POLR3C: variants seen among roughly 807,000 people sequenced by gnomAD.
The protein encoded by POLR3C is RNA polymerase III subunit C, also known as DNA-directed RNA polymerase III subunit RPC3.
Under a neutral mutation model 65.9 loss-of-function variants are expected in POLR3C, and 44 were observed. The ratio of observed to expected loss-of-function variants is 0.67; its 90% CI spans 0.52 to 0.86. The LOEUF is 0.86. Ranked by LOEUF, POLR3C falls within the 40% of genes least tolerant of loss-of-function variation. The probability of loss-of-function intolerance (pLI) is 0.00; values close to 1 mark genes in which losing one functional copy is unlikely to be tolerated. For synonymous variants in POLR3C, 263 were observed against 231.6 expected (o/e 1.14, Z -1.23); for missense variants, 576 against 653.2 (o/e 0.88, Z 1.29).
At chr1:145,836,623 A>AT (rs1651871867) in intron 8 of POLR3C, 49 bp downstream of exon 8, 1 of 1,191,722 alleles carries the variant, frequency 8.4e-7, no homozygotes, top group Non-Finnish European at 1.3e-6. Context: ...TGTACTGTTG[A>AT]TAATTTATTT....
At chr1:145,827,162 C>G (rs1022098736) in intron 4 of POLR3C, among the ~76,000 whole-genome samples, 157 bp downstream of exon 4, 1 of 152,118 alleles carries the variant, frequency 6.6e-6, no homozygotes, top group Non-Finnish European at 1.5e-5. Context: ...TGCCATGGGG[C>G]TTTAGTATAG....
intron 7 of POLR3C, among the ~76,000 whole-genome samples, chr1:145,835,768 T>G (rs982915799): frequency 3.5e-4 from 54 of 152,260 alleles, no homozygotes; most frequent in African/African-American, 1.1e-3. Context: ...GAGACAGGGT[T>G]TCACTGTGTT....
chr1:145,824,528 T>TA (rs2101625033), intron 1 of POLR3C, 159 bp downstream of exon 1: 1 of 1,290,038 alleles, frequency 7.8e-7, no homozygotes, highest in Non-Finnish European at 1.0e-6. Context: ...TCTCCAAAGA[T>TA]ATGTGGATGG....
intron 4 of POLR3C, among the ~76,000 whole-genome samples, chr1:145,828,213 A>G (rs985583519): frequency 2.0e-5 from 3 of 152,234 alleles, no homozygotes; most frequent in East Asian, 3.8e-4. Context: ...CTCAGAAGCT[A>G]ATCAGGATCA....
chr1:145,826,367 A>T, intron 2 of POLR3C, 87 bp from the exon 3 acceptor site: 1 of 1,123,380 alleles, frequency 8.9e-7, no homozygotes, highest in Non-Finnish European at 1.3e-6. Context: ...TCTGATGCTT[A>T]CTAAGCTGTT....
At chr1:145,836,701 C>T in intron 8 of POLR3C, 114 bp from the exon 9 acceptor site, 2 of 941,324 alleles carry the variant, frequency 2.1e-6, no homozygotes, top group Non-Finnish European at 3.5e-6. Flanking sequence ...GACAATTTCT[C>T]CACATCATTT....
rs1377603989 is a variant in POLR3C at position 145,843,918 on chromosome 1, C to T, written c.*1498C>T. ...ATACACAAATGGCCGACAGATACATCAAAAAATGTTCAACATCACTAATCA... is the reference window on the plus strand; with the variant it reads ...ATACACAAATGGCCGACAGATACATTAAAAAATGTTCAACATCACTAATCA... On this transcript the variant is annotated 3_prime_UTR_variant, in exon 15 of 15. Transcript: ENST00000334163. 2.6e-5 allele frequency among the ~76,000 whole-genome samples: 4 copies of T among 152,110 alleles called. No individual in the cohort carries two copies. Among genetic ancestry groups the T allele is most frequent in the African/African-American group, 9.7e-5 (4 of 41,420 alleles).
rs934583522 is a variant in POLR3C at position 145,843,936 on chromosome 1, A to G, written c.*1516A>G. Among the ~76,000 whole-genome samples, 1 of 152,254 alleles carries G rather than the reference A, an allele frequency of 6.6e-6. No individual in the cohort carries two copies. The highest frequency in any genetic ancestry group is 6.5e-5 in the Admixed American group (1 of 15,288). On this transcript the variant is annotated 3_prime_UTR_variant, in exon 15 of 15. Coordinates refer to ENST00000334163, the MANE Select transcript of POLR3C (RefSeq NM_006468.8). The stretch of plus-strand genomic sequence containing the variant: ...GATACATCAAAAAATGTTCAACATC[A>G]CTAATCAGAGAAATGGAAATCAAAA...
intron 11 of POLR3C, 26 bp downstream of exon 11, chr1:145,838,232 G>A (rs1652010443): frequency 1.2e-6 from 2 of 1,602,516 alleles, no homozygotes; most frequent in Non-Finnish European, 1.7e-6. Flanking sequence ...CGTAATAATT[G>A]CCAACCAGCA....
At chr1:145,837,845 A>G (rs1311842441) in intron 10 of POLR3C, among the ~76,000 whole-genome samples, 4 of 152,184 alleles carry the variant, frequency 2.6e-5, no homozygotes, top group African/African-American at 9.7e-5. Flanking sequence ...GTGGCACTCA[A>G]ATGAGTCAGC....
chr1:145,840,080 CTA>C (rs1553730054), intron 12 of POLR3C, 34 bp from the exon 13 acceptor site: 2 of 1,571,622 alleles, frequency 1.3e-6, no homozygotes, highest in East Asian at 2.2e-5. Context: ...TGAAATAGAA[CTA>C]TGTGCATTCC....
intron 1 of POLR3C, among the ~76,000 whole-genome samples, chr1:145,825,415 T>C (rs1351823361): frequency 1.3e-5 from 2 of 152,180 alleles, no homozygotes; most frequent in Non-Finnish European, 2.9e-5. Context: ...CAGCCTATTA[T>C]GAATAATTTT....
intron 4 of POLR3C, among the ~76,000 whole-genome samples, chr1:145,827,714 G>A (rs587666227): frequency 1.3e-5 from 2 of 149,218 alleles, no homozygotes; most frequent in East Asian, 2.0e-4. Flanking sequence ...AGCCGAGATC[G>A]TGCCACTGCA....
At chr1:145,827,713 C>G (rs956187756) in intron 4 of POLR3C, among the ~76,000 whole-genome samples, 5 of 145,864 alleles carry the variant, frequency 3.4e-5, no homozygotes, top group African/African-American at 1.0e-4. Flanking sequence ...GAGCCGAGAT[C>G]GTGCCACTGC....
chr1:145,836,977 A>G (rs1452846273), intron 9 of POLR3C, 111 bp downstream of exon 9: 2 of 576,258 alleles, frequency 3.5e-6, no homozygotes, highest in Non-Finnish European at 6.1e-6. Flanking sequence ...AAATTAGAAA[A>G]TTGAAGTAAT....
intron 5 of POLR3C, 68 bp downstream of exon 5, chr1:145,828,905 C>G: frequency 1.2e-6 from 1 of 829,766 alleles, no homozygotes; most frequent in Non-Finnish European, 2.1e-6. Context: ...AGATAACAAG[C>G]CCCAAGAGAG....
chr1:145,826,954 C>G lies in POLR3C; in HGVS notation c.538C>G (p.Leu180Val). The change falls in exon 4 of 15, where the codon CTT becomes GTT. Residue 180 changes from leucine (L) to valine (V), a missense_variant. By Grantham distance (32) the Leu-to-Val change is conservative (BLOSUM62 1). Transcript: ENST00000334163. ...TGGGCCACCACCACCTGCCCCCACACTTGTCATTAATGAAAAGGACATGTA... is the reference window on the plus strand; with the variant it reads ...TGGGCCACCACCACCTGCCCCCACAGTTGTCATTAATGAAAAGGACATGTA... The part of the protein sequence containing the change: ...DPGPPPPAPT[L>V]VINEKDMYLV... The G allele has an allele frequency of 6.2e-7, 1 of 1,613,140 alleles. No homozygotes were observed. The highest frequency in any genetic ancestry group is 8.5e-7 in the Non-Finnish European group (1 of 1,179,760).
intron 1 of POLR3C, among the ~76,000 whole-genome samples, chr1:145,825,359 C>T (rs1176778640): frequency 6.6e-6 from 1 of 152,156 alleles, no homozygotes; most frequent in Non-Finnish European, 1.5e-5. Context: ...GATACGCCCA[C>T]CTCGGTCTCC....
chr1:145,833,491 C>T lies in POLR3C; in HGVS notation c.785C>T (p.Thr262Ile). The change falls in exon 7 of 15, where the codon ACA (threonine) becomes ATA (isoleucine). Residue 262 changes from threonine to isoleucine, a missense_variant and splice_region_variant. Transcript: ENST00000334163. ...VSAVANRMDQ[T>I]SSEIVRTMLR... ...AATTCTAGTTTACTTTTCAAACAGA[C>T]AAGCAGCGAGATTGTGCGAACCATG... is the stretch of plus-strand genomic sequence containing the variant. 1 of 1,612,064 alleles carries T rather than the reference C, an allele frequency of 6.2e-7. No individual in the cohort carries two copies.
Sources: gnomAD v4.1 joint callset for allele counts (sites outside exome capture counted in the v4.1 genomes callset) on GRCh38, gnomAD v4.1.1 for gene constraint, MANE v1.5 for transcripts, NCBI Gene and HGNC (gene_info 2026-07-23, HGNC 2026-07-21) for gene names.